The following PDXDC1 variants were observed in gnomAD, a reference collection of about 807,000 sequenced individuals.
PDXDC1 encodes pyridoxal dependent decarboxylase domain containing 1.
A neutral mutation model predicts 100.1 loss-of-function variants in PDXDC1; 42 were observed. The observed-to-expected ratio is 0.42, with a 90% confidence interval of 0.33 to 0.54. PDXDC1 has a LOEUF of 0.54. Among genes scored for constraint, PDXDC1 ranks in the 20% least tolerant of loss-of-function variants. The pLI is 0.10. For synonymous variants in PDXDC1, 260 were observed against 371.7 expected (o/e 0.70, Z 3.46); for missense variants, 636 against 979.2 (o/e 0.65, Z 4.68).
intron 8 of PDXDC1, among the ~76,000 whole-genome samples, chr16:15,014,453 A>G (rs553223467): frequency 6.6e-6 from 1 of 152,414 alleles, no homozygotes; most frequent in East Asian, 1.9e-4. Flanking sequence ...ACGAAAAGAG[A>G]ATCTGCATGC....
At chr16:15,044,451 G>T (rs777126487) in intron 16 of PDXDC1, 1 of 1,245,580 alleles carries the variant, frequency 8.0e-7, no homozygotes, top group South Asian at 1.2e-5. Flanking sequence ...AGAAGACACC[G>T]GTGCGTGCGC....
chr16:15,018,058 G>A (rs1257164909), intron 11 of PDXDC1, among the ~76,000 whole-genome samples: 1 of 151,940 alleles, frequency 6.6e-6, no homozygotes, highest in East Asian at 2.0e-4. Context: ...AAAGTGCTGG[G>A]ATTACAGGCA....
chr16:15,063,107 C>T (rs1461136119), intron 16 of PDXDC1: 28 of 976,662 alleles, frequency 2.9e-5, no homozygotes, highest in Middle Eastern at 2.7e-4. Flanking sequence ...GGGGATTACA[C>T]GCACGAACGA....
chr16:15,038,791 C>G, downstream of PDXDC1: 2 of 640,346 alleles, frequency 3.1e-6, no homozygotes, highest in Admixed American at 2.9e-5. Flanking sequence ...CATTTATCTG[C>G]CTAAGCTTCT....
At chr16:15,130,857 G>A (rs1257401698) in intron 16 of PDXDC1, 2 of 731,410 alleles carry the variant, frequency 2.7e-6, no homozygotes, top group Non-Finnish European at 4.8e-6. Context: ...CACCCACGAT[G>A]GCCCTCCTGA....
intron 16 of PDXDC1, among the ~76,000 whole-genome samples, chr16:15,119,458 G>A (rs1404240918): frequency 7.1e-6 from 1 of 140,740 alleles, no homozygotes; most frequent in African/African-American, 2.6e-5. Flanking sequence ...CCACTCAGTC[G>A]CCCAGGCTGG....
rs1487992147 is a variant in PDXDC1 at position 15,104,817 on chromosome 16, G to A, written c.1400-34062G>A. ...TATTCATTTGATGGACAAAATTACC[G>A]CCACCAACACAGTCTGCACCTTCTG... On this transcript the variant is annotated intron_variant, in intron 16 of 16. Coordinates refer to the PDXDC1 transcript ENST00000535621. 5.2e-5 allele frequency: 79 copies of A among 1,526,894 alleles called. No individual in the cohort carries two copies. The Admixed American group carries it at 1.2e-3, about 24-fold the overall frequency. The allele number at this position is 1,526,894 out of a possible 1,614,324, so 94.6% of individuals were successfully genotyped here.
chr16:15,093,916 G>A, intron 16 of PDXDC1: 1 of 539,930 alleles, frequency 1.9e-6, no homozygotes, highest in East Asian at 3.4e-5. Flanking sequence ...AGACACAGTC[G>A]GGAAAGGGGG....
chr16:15,140,818 G>C (rs1263792311), downstream of PDXDC1, among the ~76,000 whole-genome samples: 1 of 152,004 alleles, frequency 6.6e-6, no homozygotes, highest in Non-Finnish European at 1.5e-5. Flanking sequence ...TCCCAGTAGT[G>C]CTCCTGGCAC....
chr16:15,083,739 G>C lies in PDXDC1; in HGVS notation c.1399+53683G>C, dbSNP rs184110233. 7.1e-6 allele frequency: 7 copies of C among 989,646 alleles called. No individual in the cohort carries two copies. In the East Asian group the frequency reaches 1.8e-4, roughly 25 times the overall value. The allele number at this position is 989,646 out of a possible 1,614,324, so 61.3% of individuals were successfully genotyped here. On this transcript the variant is annotated intron_variant, in intron 16 of 16. Transcript: ENST00000535621. ...TGGAACTTTTTTTGTTTTTTGAGAC[G>C]GAGTTTCGCTCTTGTTGCCCAGGCT... is the stretch of plus-strand genomic sequence containing the variant.
At chr16:15,137,649 G>GA in intron 16 of PDXDC1, 1 of 1,329,446 alleles carries the variant, frequency 7.5e-7, no homozygotes, top group Non-Finnish European at 1.0e-6. Context: ...CCTTGGCCCG[G>GA]AGCCCCCCCC....
In PDXDC1 at chr16:15,036,050, A is replaced by G. The variant is rs1377544825; in HGVS notation, c.2142A>G (p.Ser714=). 6.2e-7 allele frequency: 1 copy of G among 1,614,150 alleles called. No homozygotes were observed. The highest frequency in any genetic ancestry group is 2.2e-5 in the East Asian group (1 of 44,886). ...CTTTTAAAAGGTCCCTGCGAGGTTC[A>G]GATGCTTTGAGTGAGACCAGCTCAG... ...QKPFKRSLRG[S]DALSETSSVS... The change falls in exon 23 of 23, where the codon TCA becomes TCG. Residue 714 remains serine, a synonymous_variant. Transcript: ENST00000396410.
At chr16:15,102,804 G>T (rs551626176) in intron 16 of PDXDC1, among the ~76,000 whole-genome samples, 39 of 149,390 alleles carry the variant, frequency 2.6e-4, no homozygotes, top group South Asian at 4.2e-4. Context: ...TTTAAAAAAG[G>T]AGTTTGTGTT....
At chr16:14,992,681 G>A (rs1460451527) in intron 1 of PDXDC1, among the ~76,000 whole-genome samples, 5 of 152,266 alleles carry the variant, frequency 3.3e-5, no homozygotes, top group African/African-American at 1.2e-4. Context: ...CCTTGTGGGA[G>A]CCAGTGTGAT....
intron 16 of PDXDC1, among the ~76,000 whole-genome samples, chr16:15,134,757 C>G (rs1463841568): frequency 8.3e-6 from 1 of 120,300 alleles, no homozygotes. Flanking sequence ...GGAACCTGCT[C>G]CCACACCCTC....
Position 15,108,248 on chromosome 16 carries a change from T to C in PDXDC1, c.1400-30631T>C, listed in dbSNP as rs1251184845. On this transcript the variant is annotated intron_variant, in intron 16 of 16. Coordinates refer to the PDXDC1 transcript ENST00000535621. ...TGTTGCCCTCACACCACTTGATTCA[T>C]GGTCCTGATCCTAAGGATCTCACCT... 5.6e-6 allele frequency: 5 copies of C among 888,270 alleles called. 1 individual carries two copies. In the African/African-American group the frequency reaches 7.1e-5, roughly 13 times the overall value. The allele number at this position is 888,270 out of a possible 1,614,324, so 55.0% of individuals were successfully genotyped here.
At chr16:14,977,383 G>C (rs1174876265) in intron 1 of PDXDC1, among the ~76,000 whole-genome samples, 2 of 146,488 alleles carry the variant, frequency 1.4e-5, no homozygotes, top group Non-Finnish European at 3.0e-5. Flanking sequence ...GGATTCAAGT[G>C]ATTCTCCTGC....
intron 16 of PDXDC1, among the ~76,000 whole-genome samples, chr16:15,049,953 A>G (rs545753874): frequency 6.6e-6 from 1 of 152,384 alleles, no homozygotes; most frequent in African/African-American, 2.4e-5. Flanking sequence ...TTATACCCAT[A>G]GAGAAAAATA....
chr16:15,020,975 AACACACACACACACACACACAC>A (rs66850292), intron 12 of PDXDC1, among the ~76,000 whole-genome samples: 1 of 145,842 alleles, frequency 6.9e-6, no homozygotes, highest in African/African-American at 2.5e-5. Flanking sequence ...GCACCATCTA[AACACACACACACACACACACAC>A]ACACACACAC....
Sources: gnomAD v4.1 joint callset for allele counts (sites outside exome capture counted in the v4.1 genomes callset) on GRCh38, gnomAD v4.1.1 for gene constraint, MANE v1.5 for transcripts, NCBI Gene and HGNC (gene_info 2026-07-23, HGNC 2026-07-21) for gene names.